SLC23A2: variants seen among roughly 807,000 people sequenced by gnomAD.
SLC23A2 encodes the protein solute carrier family 23 member 2, also known as Na(+)/L-ascorbic acid transporter 2.
A neutral mutation model predicts 73.3 loss-of-function variants in SLC23A2; 36 were observed. The observed-to-expected ratio is 0.49, with a 90% CI of 0.38 to 0.65. The LOEUF (loss-of-function observed/expected upper bound fraction) is 0.65. SLC23A2 is among the 30% of genes least tolerant of loss of function. The pLI is 0.00. For missense variants in SLC23A2, 507 were observed against 841.6 expected, an observed-to-expected ratio of 0.60 and a Z score of 4.92; for synonymous variants, 343 against 327.3, an observed-to-expected ratio of 1.05 and a Z score of -0.52.
chr20:4,923,233 C>A (rs1932558049), intron 3 of SLC23A2, among the ~76,000 whole-genome samples: 2 of 141,838 alleles, frequency 1.4e-5, no homozygotes, highest in South Asian at 4.9e-4. Context: ...GTAGCGAGAC[C>A]CCATCTTGAA....
intron 3 of SLC23A2, among the ~76,000 whole-genome samples, chr20:4,919,786 T>C (rs116190078): frequency 0.011 from 1,737 of 152,266 alleles, 37 homozygotes; most frequent in African/African-American, 0.039. Flanking sequence ...TCTCCCATTC[T>C]TTCCAGGTGC....
chr20:4,966,086 A>C (rs762770291), intron 2 of SLC23A2, among the ~76,000 whole-genome samples: 1 of 152,170 alleles, frequency 6.6e-6, no homozygotes, highest in Non-Finnish European at 1.5e-5. Flanking sequence ...AAATAAAATT[A>C]TAAGCTATAG....
rs71197739 is a variant in SLC23A2, at chr20:4,986,689, C to CACACACACACACACACAGAG, written c.-282+14716_-282+14717insCTCTGTGTGTGTGTGTGTGT. 2.8e-3 allele frequency among the ~76,000 whole-genome samples: 367 copies of CACACACACACACACACAGAG among 129,694 alleles called. 1 individual carries two copies. Among genetic ancestry groups the CACACACACACACACACAGAG allele is most frequent in the African/African-American group, 5.6e-3 (199 of 35,724 alleles). The allele number at this position is 129,694 out of a possible 152,430, so 85.1% of individuals were successfully genotyped here. A position where few individuals can be genotyped will look rare whatever the true frequency, so the allele number is the denominator to read the frequency against. On this transcript the variant is annotated intron_variant, in intron 1 of 16. Coordinates refer to ENST00000338244, the MANE Select transcript of SLC23A2 (RefSeq NM_005116.6). ...ACACACACACACACACACACACACACAGAGATGAATATAAATAGAGAGAAG... is the reference window on the plus strand; with the variant it reads ...ACACACACACACACACACACACACACACACACACACACACACAGAGAGAGATGAATATAAATAGAGAGAAG...
intron 2 of SLC23A2, among the ~76,000 whole-genome samples, chr20:4,959,591 G>A (rs756461026): frequency 2.0e-5 from 3 of 152,106 alleles, no homozygotes; most frequent in Non-Finnish European, 2.9e-5. Flanking sequence ...TCAACCTCCC[G>A]GGCTCAAGTG....
chr20:5,000,322 C>T (rs1191375016), intron 1 of SLC23A2, among the ~76,000 whole-genome samples: 7 of 152,144 alleles, frequency 4.6e-5, no homozygotes, highest in Admixed American at 1.3e-4. Context: ...AATAAAAATG[C>T]TCCAGCCACC....
intron 1 of SLC23A2, among the ~76,000 whole-genome samples, chr20:4,991,392 AAATCACATG>A: frequency 6.6e-6 from 1 of 152,268 alleles, no homozygotes; most frequent in Admixed American, 6.5e-5. Flanking sequence ...TTACAGGCAT[AAATCACATG>A]TCCAGTCCAG....
intron 2 of SLC23A2, among the ~76,000 whole-genome samples, chr20:4,938,330 C>T (rs2086991818): frequency 6.7e-6 from 1 of 148,358 alleles, no homozygotes; most frequent in Admixed American, 6.7e-5. Context: ...CAGACTCATT[C>T]CATCTTTTTT....
intron 2 of SLC23A2, among the ~76,000 whole-genome samples, chr20:4,946,952 A>C (rs560814665): frequency 7.0e-4 from 107 of 152,312 alleles, no homozygotes; most frequent in Non-Finnish European, 1.3e-3. Flanking sequence ...TTTCAGCAGA[A>C]GTTTTCTTTC....
intron 7 of SLC23A2, among the ~76,000 whole-genome samples, 200 bp from the exon 8 acceptor site, chr20:4,885,023 T>C (rs1417722030): frequency 6.6e-6 from 1 of 152,190 alleles, no homozygotes; most frequent in Non-Finnish European, 1.5e-5. Flanking sequence ...AATGAATTCA[T>C]CGACTAAGAG....
At chr20:4,911,541 A>G (rs1259215087) in intron 4 of SLC23A2, among the ~76,000 whole-genome samples, 2 of 152,224 alleles carry the variant, frequency 1.3e-5, no homozygotes, top group African/African-American at 4.8e-5. Context: ...GTGGTCTGTT[A>G]TTAGAATACA....
chr20:4,859,059 C>G (rs1224535872), intron 16 of SLC23A2, among the ~76,000 whole-genome samples: 2 of 152,160 alleles, frequency 1.3e-5, no homozygotes, highest in African/African-American at 2.4e-5. Flanking sequence ...GCTGCTGTCT[C>G]CCAAAAGTCC....
At chr20:4,974,830 TAGGCTGGAGTGCAGTA>T (rs1268682988) in intron 1 of SLC23A2, among the ~76,000 whole-genome samples, 2 of 152,172 alleles carry the variant, frequency 1.3e-5, no homozygotes, top group Non-Finnish European at 2.9e-5. Context: ...CTCTGTCACC[TAGGCTGGAGTGCAGTA>T]GCGTGATCTC....
chr20:4,876,987 GACTGCTTAGCATT>G (rs994762019), intron 9 of SLC23A2, among the ~76,000 whole-genome samples: 3 of 151,660 alleles, frequency 2.0e-5, no homozygotes, highest in Non-Finnish European at 4.4e-5. Context: ...GCACCTTAGT[GACTGCTTAGCATT>G]CTGTTTTATG....
At position 4,899,711 on chromosome 20, in the gene SLC23A2, T is replaced by C. The variant is rs755738686; in HGVS notation, c.326A>G (p.His109Arg). Residue 109 changes from histidine (H) to arginine (R), a missense_variant and splice_region_variant, in exon 6 of 17, where the codon CAC (histidine) becomes CGC (arginine). Physicochemically the swap from His to Arg is conservative, Grantham distance 29. Transcript: ENST00000338244. The surrounding 1 kb of genome is among the most constrained non-coding windows in gnomAD (Gnocchi z 4.9). ...CGTGCCGCTGAAGCATGTCAGGTAG[T>C]GCTGTGGGCAGGAAAAGGGTCAGAG... Reference protein sequence around the residue: ...WYLCIFLGLQHYLTCFSGTIA... With the variant: ...WYLCIFLGLQRYLTCFSGTIA... 1 of 1,614,068 alleles carries C rather than the reference T, an allele frequency of 6.2e-7. No homozygotes were observed. Among genetic ancestry groups the C allele is most frequent in the Non-Finnish European group, 8.5e-7 (1 of 1,179,936 alleles).
chr20:4,981,231 A>C (rs902440036), intron 1 of SLC23A2, among the ~76,000 whole-genome samples: 5 of 152,232 alleles, frequency 3.3e-5, no homozygotes, highest in Non-Finnish European at 7.3e-5. Context: ...ATAATCATTC[A>C]ATTTCTCAGG....
At chr20:4,885,291 T>G (rs796532477) in intron 7 of SLC23A2, among the ~76,000 whole-genome samples, 7 of 152,332 alleles carry the variant, frequency 4.6e-5, no homozygotes, top group African/African-American at 1.7e-4. Context: ...AAAATGTAAT[T>G]GTATTTTTGA....
Position 4,869,933 on chromosome 20 carries a change from G to A in SLC23A2, c.1223C>T (p.Pro408Leu). 1 of 1,606,298 alleles carries A rather than the reference G, an allele frequency of 6.2e-7. No individual in the cohort carries two copies. The highest frequency in any genetic ancestry group is 1.1e-5 in the South Asian group (1 of 90,890). Residue 408 changes from proline (P) to leucine (L), a missense_variant, in exon 12 of 17, where the codon CCA becomes CTA. By Grantham distance (98) the Pro-to-Leu change is moderately conservative (BLOSUM62 -3). This residue lies in a region of SLC23A2 where 27 missense variants were observed against 18.2 expected (regional missense o/e 1.48). Transcript: ENST00000338244. ...GTTTATTGCGTGGATGGGGGGGGGT[G>A]GGGCACAGGACAGCCGTGCACAGGC... ...YYACARLSCAPPPPIHAINRG... is the reference protein window; with the variant it reads ...YYACARLSCALPPPIHAINRG...
intron 2 of SLC23A2, among the ~76,000 whole-genome samples, chr20:4,953,457 T>C (rs2087234273): frequency 6.6e-6 from 1 of 152,014 alleles, no homozygotes; most frequent in Admixed American, 6.6e-5. Context: ...GCCTTAACTA[T>C]GACAATTAGA....
At chr20:4,980,760 C>T (rs2087714421) in intron 1 of SLC23A2, among the ~76,000 whole-genome samples, 1 of 152,108 alleles carries the variant, frequency 6.6e-6, no homozygotes, top group Admixed American at 6.6e-5. Flanking sequence ...AAACTCCCAA[C>T]CTCAGGTGAT....
Sources: allele counts gnomAD v4.1 joint callset (sites outside exome capture counted in the v4.1 genomes callset), GRCh38; gene constraint gnomAD v4.1.1; regional missense constraint gnomAD v4.1.1; non-coding constraint Gnocchi (gnomAD v3.1); transcripts MANE v1.5; gene names NCBI Gene and HGNC (gene_info 2026-07-23, HGNC 2026-07-21).